Variants in CAPNS1 observed in about 807,000 individuals in gnomAD.
The protein encoded by CAPNS1 is calpain small subunit 1, also known as CANP small subunit.
CAPNS1 carries 32 observed loss-of-function variants against 39.2 expected under a neutral mutation model. The ratio of observed to expected loss-of-function variants is 0.82; its 90% CI spans 0.62 to 1.10. The LOEUF is 1.10. CAPNS1 is among the 50% of genes least tolerant of loss of function. CAPNS1 has a pLI of 0.00. For synonymous variants in CAPNS1, 153 were observed against 136.2 expected (o/e 1.12, Z -0.86); for missense variants, 353 against 373.1 (o/e 0.95, Z 0.44).
rs550124837 is a variant in CAPNS1, at chr19:36,146,413, C to T, written c.721+101C>T. The T allele has an allele frequency of 2.8e-3, 2,197 of 780,158 alleles. 57 individuals carry two copies. The South Asian group carries it at 0.029, about 10-fold the overall frequency. The allele number at this position is 780,158 out of a possible 1,614,324, so 48.3% of individuals were successfully genotyped here. On this transcript the variant is annotated intron_variant, in intron 9 of 10. Coordinates refer to ENST00000246533, the MANE Select transcript of CAPNS1 (RefSeq NM_001749.4). ...ACTTTGAGGTGGGCGATGCTAGGGG[C>T]ACAGTGGTGATTGAATCAGTTCCAG... is the stretch of plus-strand genomic sequence containing the variant.
chr19:36,144,193 A>AG (rs1974485587), intron 6 of CAPNS1: 1 of 147,982 alleles, frequency 6.8e-6, no homozygotes, highest in African/African-American at 2.5e-5. Context: ...AAAAAAAAAG[A>AG]AAAAAAAAGA....
Position 36,149,947 on chromosome 19 carries a change from C to G in CAPNS1, c.*108C>G, listed in dbSNP as rs1175608435. On this transcript the variant is annotated 3_prime_UTR_variant, in exon 11 of 11. Transcript: ENST00000246533. ...TGCAGTCACATCTTTGTGGGGCCTG[C>G]TGACCCACAAGCTTTTGTTCTCTCA... 2 of 1,058,032 alleles carry G rather than the reference C, an allele frequency of 1.9e-6. No homozygotes were observed. Among genetic ancestry groups the G allele is most frequent in the East Asian group, 5.8e-5 (2 of 34,548 alleles). The allele number at this position is 1,058,032 out of a possible 1,614,324, so 65.5% of individuals were successfully genotyped here.
At position 36,141,124 on chromosome 19, in the gene CAPNS1, G is replaced by A; in HGVS notation, c.113G>A (p.Gly38Asp). Residue 38 changes from glycine to aspartate, a missense_variant, in exon 2 of 11, where the codon GGC becomes GAC. Transcript: ENST00000246533. ...VLGGLISGAGGGGGGGGGGGG... is the reference protein window; with the variant it reads ...VLGGLISGAGDGGGGGGGGGG... Reference sequence around the variant, plus strand: ...GGAGGCCTGATCAGCGGGGCCGGGGGCGGCGGCGGCGGCGGCGGCGGCGGC... The same window carrying A: ...GGAGGCCTGATCAGCGGGGCCGGGGACGGCGGCGGCGGCGGCGGCGGCGGC... 3 of 1,175,020 alleles carry A rather than the reference G, an allele frequency of 2.6e-6. No homozygotes were observed. The highest frequency in any genetic ancestry group is 3.3e-6 in the Non-Finnish European group (3 of 910,620). 72.8% of individuals were successfully genotyped at this position (1,175,020 alleles called of 1,614,324 possible).
chr19:36,141,557 C>CGG, intron 2 of CAPNS1: 1 of 1,154,300 alleles, frequency 8.7e-7, no homozygotes. Flanking sequence ...TGGAGATGAA[C>CGG]GTTAAAGGTG....
chr19:36,147,571 C>T (rs1191307297), intron 9 of CAPNS1, among the ~76,000 whole-genome samples: 3 of 151,954 alleles, frequency 2.0e-5, no homozygotes, highest in Non-Finnish European at 4.4e-5. Context: ...TCGAGACCAT[C>T]CTGGCTAACA....
intron 9 of CAPNS1, among the ~76,000 whole-genome samples, chr19:36,147,065 T>G (rs1974594249): frequency 6.6e-6 from 1 of 152,152 alleles, no homozygotes; most frequent in Admixed American, 6.6e-5. Flanking sequence ...AGGCTGGTCT[T>G]GAACTCCTGG....
chr19:36,145,803 C>T lies in CAPNS1; in HGVS notation c.457-3C>T, dbSNP rs763365593. ...GTCACTCTTCTTAACACCCTCCCAC[C>T]AGAGCGACACCACAGGCAAGCTGGG... On this transcript the variant is annotated splice_region_variant and splice_polypyrimidine_tract_variant and intron_variant, in intron 6 of 10. Coordinates refer to ENST00000246533, the MANE Select transcript of CAPNS1 (RefSeq NM_001749.4). 35 of 1,613,610 alleles carry T rather than the reference C, an allele frequency of 2.2e-5. 2 individuals are homozygous for T. The South Asian group carries it at 3.8e-4, about 18-fold the overall frequency.
At chr19:36,140,960 G>C in intron 1 of CAPNS1, 37 bp from the exon 2 acceptor site, 1 of 1,595,624 alleles carries the variant, frequency 6.3e-7, no homozygotes, top group Non-Finnish European at 8.5e-7. Flanking sequence ...GTGGGCTCAG[G>C]GGCGAAGCAC....
intron 6 of CAPNS1, among the ~76,000 whole-genome samples, chr19:36,144,436 C>T (rs1974494726): frequency 6.6e-6 from 1 of 152,236 alleles, no homozygotes; most frequent in South Asian, 2.1e-4. Context: ...CCTAAGAGCA[C>T]ACCCACATAC....
At chr19:36,140,854 C>T in intron 1 of CAPNS1, 143 bp from the exon 2 acceptor site, 4 of 1,324,552 alleles carry the variant, frequency 3.0e-6, no homozygotes, top group South Asian at 1.4e-5. Context: ...CCCACCCATC[C>T]GCGGACAACC....
At chr19:36,141,436 A>G in intron 2 of CAPNS1, 1 of 1,315,540 alleles carries the variant, frequency 7.6e-7, no homozygotes, top group Non-Finnish European at 9.6e-7. Flanking sequence ...GGTGCTTGAT[A>G]TGGGAGTAGT....
chr19:36,142,345 C>CT lies in CAPNS1; in HGVS notation c.243+13dup. On this transcript the variant is annotated intron_variant, in intron 3 of 10. Transcript: ENST00000246533. ...ACCCGGAGCCCCCGGTAAGCCCCCT[C>CT]TGCAACCAGACCCCCTTCTCCTGCC... is the stretch of plus-strand genomic sequence containing the variant. 6.7e-7 allele frequency: 1 copy of CT among 1,491,910 alleles called. No homozygotes were observed. Among genetic ancestry groups the CT allele is most frequent in the Non-Finnish European group, 9.2e-7 (1 of 1,090,726 alleles). The allele number at this position is 1,491,910 out of a possible 1,614,324, so 92.4% of individuals were successfully genotyped here.
Position 36,142,752 on chromosome 19 carries a change from T to C in CAPNS1, c.333+11T>C. 6.2e-7 allele frequency: 1 copy of C among 1,611,696 alleles called. No homozygotes were observed. Among genetic ancestry groups the C allele is most frequent in the African/African-American group, 1.3e-5 (1 of 74,978 alleles). On this transcript the variant is annotated intron_variant, in intron 4 of 10. Coordinates refer to ENST00000246533, the MANE Select transcript of CAPNS1 (RefSeq NM_001749.4). ...CAGCTGGCTGGAGATGTAAGTAACC[T>C]GGGGTCCCTGGCCCCGTCCTAACCG... is the stretch of plus-strand genomic sequence containing the variant.
intron 9 of CAPNS1, among the ~76,000 whole-genome samples, 183 bp downstream of exon 9, chr19:36,146,495 G>A (rs1051600880): frequency 2.0e-5 from 3 of 152,206 alleles, no homozygotes; most frequent in Non-Finnish European, 4.4e-5. Flanking sequence ...CCCAGACAGT[G>A]ACAGTTCAGA....
chr19:36,143,201 A>G, intron 6 of CAPNS1, 73 bp downstream of exon 6: 1 of 1,308,112 alleles, frequency 7.6e-7, no homozygotes, highest in South Asian at 1.2e-5. Context: ...TGGGAAGCCA[A>G]CATGTAGCTT....
chr19:36,141,131 C>CGGCGGCGGA lies in CAPNS1; in HGVS notation c.128_129insAGGCGGCGG (p.Gly54_Gly56dup). The stretch of plus-strand genomic sequence containing the variant: ...TGATCAGCGGGGCCGGGGGCGGCGG[C>CGGCGGCGGA]GGCGGCGGCGGCGGCGGCGGCGGTG... On this transcript the variant is annotated inframe_insertion, in exon 2 of 11. Transcript: ENST00000246533. 1 of 1,370,904 alleles carries CGGCGGCGGA rather than the reference C, an allele frequency of 7.3e-7. No individual in the cohort carries two copies. Among genetic ancestry groups the CGGCGGCGGA allele is most frequent in the African/African-American group, 1.6e-5 (1 of 63,550 alleles). 84.9% of individuals were successfully genotyped at this position (1,370,904 alleles called of 1,614,324 possible). A position where few individuals can be genotyped will look rare whatever the true frequency, so the allele number is the denominator to read the frequency against.
intron 10 of CAPNS1, 33 bp from the exon 11 acceptor site, chr19:36,149,780 C>G: frequency 6.4e-7 from 1 of 1,569,690 alleles, no homozygotes; most frequent in Non-Finnish European, 8.7e-7. Context: ...TCTTGGGGTT[C>G]CCTGTCCTCA....
intron 1 of CAPNS1, 198 bp from the exon 2 acceptor site, chr19:36,140,799 C>T (rs1312985035): frequency 3.3e-6 from 2 of 610,672 alleles, no homozygotes; most frequent in East Asian, 3.6e-5. Context: ...CCCACGGGTG[C>T]CTTTTAGACC....
intron 9 of CAPNS1, 79 bp from the exon 10 acceptor site, chr19:36,149,499 T>G: frequency 7.7e-7 from 1 of 1,306,414 alleles, no homozygotes; most frequent in Non-Finnish European, 1.0e-6. Flanking sequence ...TGTCATCCCA[T>G]GTATTTGTGT....
Sources: allele counts gnomAD v4.1 joint callset (sites outside exome capture counted in the v4.1 genomes callset), GRCh38; gene constraint gnomAD v4.1.1; transcripts MANE v1.5; gene names NCBI Gene and HGNC (gene_info 2026-07-23, HGNC 2026-07-21).